Variants in FBN1 observed in about 807,000 individuals in gnomAD.
FBN1 encodes the protein fibrillin 1, also known as fibrillin-1.
In FBN1, 29 loss-of-function variants were observed where a neutral mutation model predicts 365.1. The ratio of observed to expected loss-of-function variants is 0.08; its 90% CI spans 0.06 to 0.11. The LOEUF (loss-of-function observed/expected upper bound fraction) is 0.11, where lower values mean the gene tolerates loss of function less well. Ranked by LOEUF, FBN1 falls within the 10% of genes least tolerant of loss-of-function variation. FBN1 has a pLI of 1.00. For missense variants in FBN1, 2,476 were observed against 3,703.2 expected, an observed-to-expected ratio of 0.67 and a Z score of 8.60; for synonymous variants, 1,210 against 1,270.5, an observed-to-expected ratio of 0.95 and a Z score of 1.01.
At chr15:48,437,694 C>T in intron 51 of FBN1, 74 bp downstream of exon 51, 1 of 1,452,064 alleles carries the variant, frequency 6.9e-7, no homozygotes, top group South Asian at 1.2e-5. Flanking sequence ...GTCTTTAAGG[C>T]CTACAGTCTT....
At chr15:48,601,314 T>C (rs1400971271) in intron 4 of FBN1, among the ~76,000 whole-genome samples, 2 of 152,220 alleles carry the variant, frequency 1.3e-5, no homozygotes, top group African/African-American at 4.8e-5. Context: ...GGAATGCTAA[T>C]AGCACTTTCA....
rs546309404 is a variant in FBN1, at chr15:48,522,469, G to T, written c.989-1652C>A. Among the ~76,000 whole-genome samples the T allele has an allele frequency of 2.5e-3, 386 of 152,216 alleles. 3 individuals carry two copies. The highest frequency in any genetic ancestry group is 8.9e-3 in the African/African-American group (369 of 41,538). Reference sequence around the variant, plus strand: ...AAAACTAGTCCCTTGTGCCAAAAAGGTTGGGGACCACTGATTTAAAGGAAT... The same window carrying T: ...AAAACTAGTCCCTTGTGCCAAAAAGTTTGGGGACCACTGATTTAAAGGAAT... On this transcript the variant is annotated intron_variant, in intron 9 of 65. Coordinates refer to ENST00000316623, the MANE Select transcript of FBN1 (RefSeq NM_000138.5).
chr15:48,437,817 C>T lies in FBN1; in HGVS notation c.6264G>A (p.Lys2088=). The change falls in exon 51 of 66, where the codon AAG becomes AAA. Residue 2088 remains lysine (K), a synonymous_variant. Transcript: ENST00000316623. ...CGCAGGGGTCTCCCCAGCCTTCTCC[C>T]TTCAAGGCACAGCAGCATTCCTGCT... ...HSKQECCCAL[K]GEGWGDPCEL... 1 of 1,613,886 alleles carries T rather than the reference C, an allele frequency of 6.2e-7. No individual in the cohort carries two copies. The highest frequency in any genetic ancestry group is 8.5e-7 in the Non-Finnish European group (1 of 1,179,872).
intron 6 of FBN1, among the ~76,000 whole-genome samples, chr15:48,560,356 T>C (rs144150434): frequency 6.6e-6 from 1 of 152,270 alleles, no homozygotes; most frequent in East Asian, 1.9e-4. Context: ...TGTTTCCTTA[T>C]CCTATAAAAT....
intron 4 of FBN1, among the ~76,000 whole-genome samples, chr15:48,610,363 A>G (rs1433216464): frequency 6.6e-6 from 1 of 152,232 alleles, no homozygotes; most frequent in Non-Finnish European, 1.5e-5. Context: ...CAGTACCACA[A>G]GGAAGCATGC....
rs1597529820 is a variant in FBN1 at position 48,441,809 on chromosome 15, G to C, written c.6075C>G (p.Ala2025=). The C allele has an allele frequency of 1.2e-6, 2 of 1,613,518 alleles. 1 individual carries two copies. Among genetic ancestry groups the C allele is most frequent in the Middle Eastern group, 3.3e-4 (2 of 6,058 alleles). The change falls in exon 50 of 66, where the codon GCC becomes GCG. Residue 2025 remains alanine, a synonymous_variant. Transcript: ENST00000316623. ...CTTCAGTGTTACTGCATGTGCCCAGGGCACAAATTTCTGGCTCTTCGACAC... is the reference window on the plus strand; with the variant it reads ...CTTCAGTGTTACTGCATGTGCCCAGCGCACAAATTTCTGGCTCTTCGACAC... ...DECVEEPEIC[A]LGTCSNTEGS...
chr15:48,579,029 G>A (rs1416854992), intron 6 of FBN1, among the ~76,000 whole-genome samples: 2 of 142,462 alleles, frequency 1.4e-5, no homozygotes, highest in Non-Finnish European at 1.5e-5. Flanking sequence ...AATAAAAAAG[G>A]GGAAAAAAAA....
At chr15:48,559,308 C>T (rs185168707) in intron 6 of FBN1, among the ~76,000 whole-genome samples, 377 of 152,300 alleles carry the variant, frequency 2.5e-3, no homozygotes, top group South Asian at 4.1e-3. Flanking sequence ...GAGACCCCTT[C>T]GAAAGGGAGC....
At chr15:48,582,229 C>A (rs985770368) in intron 6 of FBN1, among the ~76,000 whole-genome samples, 1 of 152,166 alleles carries the variant, frequency 6.6e-6, no homozygotes, top group African/African-American at 2.4e-5. Flanking sequence ...TTTTTCCAGT[C>A]AACAAATACT....
At position 48,644,775 on chromosome 15, in the gene FBN1, C is replaced by G; in HGVS notation, c.-6G>C. 6.2e-7 allele frequency: 1 copy of G among 1,605,158 alleles called. No individual in the cohort carries two copies. ...AGCAGACGCCCTCGACGCATGATGC[C>G]GAGCCGCCACCGGCTCCCGCCGCCT... On this transcript the variant is annotated 5_prime_UTR_variant, in exon 2 of 66. Transcript: ENST00000316623.
chr15:48,580,314 T>C (rs1480175481), intron 6 of FBN1, among the ~76,000 whole-genome samples: 4 of 152,208 alleles, frequency 2.6e-5, no homozygotes, highest in Non-Finnish European at 4.4e-5. Context: ...CCTAGCACTA[T>C]GAAACACGTG....
At chr15:48,579,547 T>C (rs948129363) in intron 6 of FBN1, among the ~76,000 whole-genome samples, 3 of 152,204 alleles carry the variant, frequency 2.0e-5, no homozygotes, top group Admixed American at 2.0e-4. Context: ...CTGAAACCTA[T>C]GGACATCTGG....
intron 11 of FBN1, among the ~76,000 whole-genome samples, chr15:48,515,846 C>A (rs1368701135): frequency 6.6e-6 from 1 of 152,198 alleles, no homozygotes; most frequent in Non-Finnish European, 1.5e-5. Context: ...AACTGCCTTG[C>A]AAGCTCTGTA....
At position 48,415,790 on chromosome 15, in the gene FBN1, C is replaced by T. The variant is rs116441647; in HGVS notation, c.7820-23G>A. The T allele has an allele frequency of 1.8e-3, 2,893 of 1,583,622 alleles. 49 individuals are homozygous for T. The African/African-American group carries it at 0.035, about 19-fold the overall frequency. Reference sequence around the variant, plus strand: ...CATCTGCAGGCAAAATAAGAAGCGGCATGTGTGGCAGCAGCCAGAGATTTC... The same window carrying T: ...CATCTGCAGGCAAAATAAGAAGCGGTATGTGTGGCAGCAGCCAGAGATTTC... On this transcript the variant is annotated intron_variant, in intron 63 of 65. Coordinates refer to ENST00000316623, the MANE Select transcript of FBN1 (RefSeq NM_000138.5).
At chr15:48,538,733 G>A (rs572629775) in intron 6 of FBN1, among the ~76,000 whole-genome samples, 2 of 152,278 alleles carry the variant, frequency 1.3e-5, no homozygotes, top group East Asian at 3.9e-4. Flanking sequence ...GACCTTGACA[G>A]ACAAGGGAGG....
Position 48,510,058 on chromosome 15 carries a change from C to T in FBN1, c.1700G>A (p.Gly567Glu), listed in dbSNP as rs768489747. 1.1e-5 allele frequency: 17 copies of T among 1,613,252 alleles called. No homozygotes were observed. Among genetic ancestry groups the T allele is most frequent in the Non-Finnish European group, 1.4e-5 (16 of 1,179,446 alleles). Reference protein sequence around the residue: ...CNAGFHVTRDGKNCEDMDECS... With the variant: ...CNAGFHVTRDEKNCEDMDECS... Reference sequence around the variant, plus strand: ...ACTATTATTACCTTCACAGTTCTTCCCATCTCGTGTAACATGAAAGCCCGC... The same window carrying T: ...ACTATTATTACCTTCACAGTTCTTCTCATCTCGTGTAACATGAAAGCCCGC... The change falls in exon 14 of 66, where the codon GGG becomes GAG. Residue 567 changes from glycine (G) to glutamate (E), a missense_variant. Gly to Glu is a moderately conservative substitution (Grantham distance 98). This residue lies in a region of FBN1 where 1,780 missense variants were observed against 2,840.8 expected (regional missense o/e 0.63). Transcript: ENST00000316623.
At chr15:48,452,454 A>C in intron 45 of FBN1, 108 bp downstream of exon 45, 1 of 1,321,108 alleles carries the variant, frequency 7.6e-7, no homozygotes, top group South Asian at 1.2e-5. Context: ...TCTAAATCTT[A>C]ACTCATATAT....
chr15:48,644,849 G>C lies in FBN1; in HGVS notation c.-80C>G. 7.6e-7 allele frequency: 1 copy of C among 1,309,132 alleles called. No homozygotes were observed. The highest frequency in any genetic ancestry group is 3.2e-5 in the East Asian group (1 of 31,234). The allele number at this position is 1,309,132 out of a possible 1,614,324, so 81.1% of individuals were successfully genotyped here. A position where few individuals can be genotyped will look rare whatever the true frequency, so the allele number is the denominator to read the frequency against. On this transcript the variant is annotated 5_prime_UTR_variant, in exon 2 of 66. Transcript: ENST00000316623. ...TGCGGCCGCCGCTGCGCCCTGAAGC[G>C]CACCGCGCCGCCGGGGTCCCGCTAT...
intron 6 of FBN1, among the ~76,000 whole-genome samples, chr15:48,547,324 A>G (rs1320578312): frequency 6.6e-6 from 1 of 152,184 alleles, no homozygotes; most frequent in Non-Finnish European, 1.5e-5. Context: ...ATGTGATGGA[A>G]TCCTGGCGTG....
Sources: allele counts gnomAD v4.1 joint callset (sites outside exome capture counted in the v4.1 genomes callset), GRCh38; gene constraint gnomAD v4.1.1; regional missense constraint gnomAD v4.1.1; transcripts MANE v1.5; gene names NCBI Gene and HGNC (gene_info 2026-07-23, HGNC 2026-07-21).